Variants in NEK11 observed in about 807,000 individuals in gnomAD.
NEK11 encodes NIMA related kinase 11.
Under a neutral mutation model 80.7 loss-of-function variants are expected in NEK11, and 72 were observed. The ratio of observed to expected loss-of-function variants is 0.89; its 90% CI spans 0.74 to 1.08. The LOEUF (loss-of-function observed/expected upper bound fraction) is 1.08. Ranked by LOEUF, NEK11 falls within the 50% of genes least tolerant of loss-of-function variation. NEK11 has a pLI of 0.00. For synonymous variants in NEK11, 251 were observed against 260.7 expected, an observed-to-expected ratio of 0.96 and a Z score of 0.36; for missense variants, 764 against 763.6, an observed-to-expected ratio of 1.00 and a Z score of -0.01.
At chr3:131,215,328 C>T (rs142241531) in intron 14 of NEK11, among the ~76,000 whole-genome samples, 2,322 of 151,210 alleles carry the variant, frequency 0.015, 67 homozygotes, top group African/African-American at 0.049. Flanking sequence ...ATGTAAATGA[C>T]GAGTTAATGG....
At chr3:131,154,906 G>A (rs1213897901) in intron 9 of NEK11, 130 bp from the exon 10 acceptor site, 1 of 593,246 alleles carries the variant, frequency 1.7e-6, no homozygotes, top group East Asian at 2.7e-5. Flanking sequence ...GGGAAAACTA[G>A]CATGCTTTGT....
intron 16 of NEK11, among the ~76,000 whole-genome samples, chr3:131,251,121 CA>C (rs1401080347): frequency 2.2e-5 from 3 of 133,358 alleles, no homozygotes; most frequent in African/African-American, 8.6e-5. Flanking sequence ...GTAGGAAGTC[CA>C]AAACAGATTG....
intron 17 of NEK11, among the ~76,000 whole-genome samples, chr3:131,345,045 G>C (rs1020110064): frequency 6.6e-6 from 1 of 151,898 alleles, no homozygotes; most frequent in Non-Finnish European, 1.5e-5. Flanking sequence ...TTTATTATTT[G>C]CATCTTTTCT....
intron 14 of NEK11, among the ~76,000 whole-genome samples, chr3:131,191,421 G>A (rs1409935861): frequency 1.3e-5 from 2 of 152,078 alleles, no homozygotes; most frequent in African/African-American, 2.4e-5. Flanking sequence ...AGCAACACTG[G>A]ACCAAGCCCT....
intron 16 of NEK11, among the ~76,000 whole-genome samples, chr3:131,271,087 T>C (rs2096175724): frequency 6.6e-6 from 1 of 152,012 alleles, no homozygotes; most frequent in Non-Finnish European, 1.5e-5. Context: ...CCAGAGTTAG[T>C]GGGAAGGTTG....
In NEK11 at chr3:131,228,652, T is replaced by C. The variant is rs1406989025; in HGVS notation, c.1524T>C (p.Asn508=). The C allele has an allele frequency of 6.2e-7, 1 of 1,613,548 alleles. No homozygotes were observed. Among genetic ancestry groups the C allele is most frequent in the African/African-American group, 1.3e-5 (1 of 75,006 alleles). ...ALERPEKEIR[N]EGSQPAYRTN... is the part of the protein sequence containing the mutation. ...AAAGACCAGAGAAAGAAATCAGGAA[T>C]GAGGGATCCCAGCCTGCTTACAGAA... The change falls in exon 15 of 18, where the codon AAT becomes AAC. Residue 508 remains asparagine (N), a synonymous_variant. Transcript: ENST00000383366.
At chr3:131,291,895 T>C (rs563799223) in intron 17 of NEK11, among the ~76,000 whole-genome samples, 50 of 152,312 alleles carry the variant, frequency 3.3e-4, no homozygotes, top group African/African-American at 1.2e-3. Context: ...ATGTGGCTTG[T>C]CTTCTCATTC....
At chr3:131,098,310 CT>C (rs1296643758) in intron 4 of NEK11, among the ~76,000 whole-genome samples, 1 of 152,188 alleles carries the variant, frequency 6.6e-6, no homozygotes, top group African/African-American at 2.4e-5. Context: ...CAAATGCTAT[CT>C]AATTGAACTA....
chr3:131,272,951 C>G (rs1480544574), intron 16 of NEK11, among the ~76,000 whole-genome samples: 1 of 152,212 alleles, frequency 6.6e-6, no homozygotes, highest in Non-Finnish European at 1.5e-5. Context: ...CTGAACACAA[C>G]TTTGGCCTTC....
At chr3:131,169,380 A>T (rs1219559613) in intron 13 of NEK11, among the ~76,000 whole-genome samples, 2 of 152,156 alleles carry the variant, frequency 1.3e-5, no homozygotes, top group African/African-American at 2.4e-5. Context: ...CCTCTCAAAC[A>T]TGTTATAAAA....
chr3:131,192,543 C>T (rs2093838205), intron 14 of NEK11, among the ~76,000 whole-genome samples: 1 of 152,080 alleles, frequency 6.6e-6, no homozygotes, highest in South Asian at 2.1e-4. Flanking sequence ...CTCAAATGTC[C>T]ATTGATGGAT....
intron 12 of NEK11, among the ~76,000 whole-genome samples, chr3:131,166,268 T>A (rs1262308415): frequency 6.6e-6 from 1 of 152,224 alleles, no homozygotes; most frequent in African/African-American, 2.4e-5. Context: ...TTCACGGAGA[T>A]CCCTGCATGT....
chr3:131,318,073 G>T (rs772989945), intron 17 of NEK11, among the ~76,000 whole-genome samples: 10 of 151,648 alleles, frequency 6.6e-5, no homozygotes, highest in Non-Finnish European at 1.5e-4. Flanking sequence ...TCTCCCATTA[G>T]ATAAAATACT....
At chr3:131,264,236 T>C (rs1278543280) in intron 16 of NEK11, among the ~76,000 whole-genome samples, 1 of 152,222 alleles carries the variant, frequency 6.6e-6, no homozygotes, top group Non-Finnish European at 1.5e-5. Flanking sequence ...CATTTGTCAA[T>C]TTTGGCTTTG....
intron 4 of NEK11, among the ~76,000 whole-genome samples, chr3:131,107,555 T>C (rs1452125688): frequency 6.6e-6 from 1 of 152,140 alleles, no homozygotes; most frequent in Non-Finnish European, 1.5e-5. Flanking sequence ...TGTTTTATCG[T>C]GTTCAGAGAA....
chr3:131,085,912 C>T lies in NEK11; in HGVS notation c.336+5324C>T, dbSNP rs531488210. ...GTCTCCTCTAATCTGTGACAATTTC[C>T]CTTTCCTGCCTTGTTTTTTATGAAT... On this transcript the variant is annotated intron_variant, in intron 4 of 17. Transcript: ENST00000383366. Among the ~76,000 whole-genome samples, 5 of 152,142 alleles carry T rather than the reference C, an allele frequency of 3.3e-5. No homozygotes were observed. In the South Asian group the frequency reaches 1.0e-3, roughly 32 times the overall value.
At chr3:131,309,507 T>C (rs1207041710) in intron 17 of NEK11, among the ~76,000 whole-genome samples, 2 of 152,170 alleles carry the variant, frequency 1.3e-5, no homozygotes, top group Non-Finnish European at 2.9e-5. Flanking sequence ...GAAGATGTTC[T>C]CATTAAACAC....
At chr3:131,061,749 A>C (rs948246194) in intron 3 of NEK11, among the ~76,000 whole-genome samples, 1 of 152,178 alleles carries the variant, frequency 6.6e-6, no homozygotes, top group Non-Finnish European at 1.5e-5. Context: ...ATTTATTATA[A>C]ATTTAATGGG....
chr3:131,096,899 C>T (rs2077521168), intron 4 of NEK11, among the ~76,000 whole-genome samples: 1 of 110,150 alleles, frequency 9.1e-6, no homozygotes, highest in Non-Finnish European at 1.8e-5. Flanking sequence ...CCCCACCCCA[C>T]AACGGTCCCC....
Sources: allele counts gnomAD v4.1 joint callset (sites outside exome capture counted in the v4.1 genomes callset), GRCh38; gene constraint gnomAD v4.1.1; transcripts MANE v1.5; gene names NCBI Gene and HGNC (gene_info 2026-07-23, HGNC 2026-07-21).